CACNA2D2: variants seen among roughly 807,000 people sequenced by gnomAD.
The protein encoded by CACNA2D2 is calcium voltage-gated channel auxiliary subunit alpha2delta 2, also known as voltage-dependent calcium channel subunit alpha-2/delta-2.
A neutral mutation model predicts 166.4 loss-of-function variants in CACNA2D2; 48 were observed. That is an observed-to-expected ratio of 0.29 (90% CI 0.23 to 0.37). The LOEUF (loss-of-function observed/expected upper bound fraction) is 0.37, where lower values mean the gene tolerates loss of function less well. Among genes scored for constraint, CACNA2D2 ranks in the 10% least tolerant of loss-of-function variants. The probability of loss-of-function intolerance (pLI) is 1.00; values close to 1 mark genes in which losing one functional copy is unlikely to be tolerated. For synonymous variants in CACNA2D2, 561 were observed against 573.7 expected (o/e 0.98, Z 0.32); for missense variants, 1,122 against 1,433.0 (o/e 0.78, Z 3.50).
chr3:50,452,781 G>A (rs1050912758), intron 2 of CACNA2D2, among the ~76,000 whole-genome samples: 1 of 152,220 alleles, frequency 6.6e-6, no homozygotes, highest in African/African-American at 2.4e-5. Context: ...AAGATCCTCA[G>A]GGGGTTATAG....
At chr3:50,455,950 A>C (rs983211557) in intron 2 of CACNA2D2, among the ~76,000 whole-genome samples, 1 of 151,598 alleles carries the variant, frequency 6.6e-6, no homozygotes, top group Non-Finnish European at 1.5e-5. Flanking sequence ...CCAGCTATGC[A>C]TTGTCAACTT....
At chr3:50,438,002 C>T (rs1398061071) in intron 2 of CACNA2D2, among the ~76,000 whole-genome samples, 2 of 152,232 alleles carry the variant, frequency 1.3e-5, no homozygotes, top group Non-Finnish European at 2.9e-5. Flanking sequence ...CAGCTGATCC[C>T]AGGGTGCCCC....
intron 3 of CACNA2D2, among the ~76,000 whole-genome samples, chr3:50,418,533 C>A (rs1177601714): frequency 6.6e-6 from 1 of 152,230 alleles, no homozygotes; most frequent in East Asian, 1.9e-4. Flanking sequence ...TCTCCCTGAG[C>A]ACTCCCAGGG....
At chr3:50,456,898 C>T (rs1709380711) in intron 2 of CACNA2D2, among the ~76,000 whole-genome samples, 1 of 152,128 alleles carries the variant, frequency 6.6e-6, no homozygotes, top group Non-Finnish European at 1.5e-5. Context: ...CTTGTGGCTC[C>T]CCCAAGGACA....
At chr3:50,462,605 T>C (rs1177174980) in intron 2 of CACNA2D2, among the ~76,000 whole-genome samples, 1 of 151,806 alleles carries the variant, frequency 6.6e-6, no homozygotes, top group Non-Finnish European at 1.5e-5. Context: ...GGGCGAGGGA[T>C]GGGCTGGGGG....
intron 2 of CACNA2D2, among the ~76,000 whole-genome samples, chr3:50,450,230 G>C (rs1709033235): frequency 1.3e-5 from 2 of 152,142 alleles, no homozygotes; most frequent in African/African-American, 4.8e-5. Context: ...TTTGACAGCG[G>C]ATCGGCCTGG....
Position 50,367,220 on chromosome 3 carries a change from A to C in CACNA2D2, c.2402-111T>G. ...ATCCCGGGATGACTCCAGCCCAAGC[A>C]CCCAGCACTCAGGACAGTGTTTGGC... On this transcript the variant is annotated intron_variant, in intron 27 of 37. Coordinates refer to ENST00000424201, the MANE Select transcript of CACNA2D2 (RefSeq NM_006030.4). The surrounding 1 kb of genome is among the most constrained non-coding windows in gnomAD (Gnocchi z 6.5). 1.0e-6 allele frequency: 1 copy of C among 1,000,672 alleles called. No individual in the cohort carries two copies. The highest frequency in any genetic ancestry group is 1.5e-6 in the Non-Finnish European group (1 of 649,640). The allele number at this position is 1,000,672 out of a possible 1,614,324, so 62.0% of individuals were successfully genotyped here. A position where few individuals can be genotyped will look rare whatever the true frequency, so the allele number is the denominator to read the frequency against.
chr3:50,441,217 A>T (rs958213193), intron 2 of CACNA2D2, among the ~76,000 whole-genome samples: 7 of 152,100 alleles, frequency 4.6e-5, no homozygotes, highest in Non-Finnish European at 7.4e-5. Context: ...GGCAACTTCT[A>T]GGAGCTTTCA....
intron 3 of CACNA2D2, among the ~76,000 whole-genome samples, chr3:50,420,861 C>T (rs998954861): frequency 2.6e-5 from 4 of 152,160 alleles, no homozygotes; most frequent in Non-Finnish European, 5.9e-5. Context: ...CACACACATG[C>T]CCTCATGTGC....
intron 2 of CACNA2D2, among the ~76,000 whole-genome samples, chr3:50,437,836 G>C (rs1045632731): frequency 6.6e-6 from 1 of 152,188 alleles, no homozygotes; most frequent in African/African-American, 2.4e-5. Flanking sequence ...AGAAAGGCCA[G>C]GGTGCACCGG....
intron 6 of CACNA2D2, 58 bp from the exon 7 acceptor site, chr3:50,381,184 A>G (rs1705295224): frequency 2.2e-5 from 35 of 1,585,190 alleles, no homozygotes; most frequent in Non-Finnish European, 2.8e-5. Flanking sequence ...TGTCGAACCC[A>G]CCACCACGAC....
At chr3:50,405,995 C>A (rs538849573) in intron 3 of CACNA2D2, among the ~76,000 whole-genome samples, 2 of 151,844 alleles carry the variant, frequency 1.3e-5, no homozygotes, top group Admixed American at 6.6e-5. Flanking sequence ...CCAATCTCTA[C>A]CCCCTATCCA....
intron 2 of CACNA2D2, among the ~76,000 whole-genome samples, chr3:50,467,610 A>G (rs899635668): frequency 2.0e-5 from 3 of 152,090 alleles, no homozygotes; most frequent in African/African-American, 7.2e-5. Context: ...CTCCATCCAG[A>G]CTGCACACCC....
At chr3:50,484,590 ACCTC>A (rs1305844729) in intron 1 of CACNA2D2, among the ~76,000 whole-genome samples, 1 of 150,912 alleles carries the variant, frequency 6.6e-6, no homozygotes, top group Non-Finnish European at 1.5e-5. Flanking sequence ...AGGGCCTCCC[ACCTC>A]CCTCCGGTCT....
chr3:50,470,459 G>A (rs546637097), intron 2 of CACNA2D2, among the ~76,000 whole-genome samples: 104 of 152,312 alleles, frequency 6.8e-4, no homozygotes, highest in Non-Finnish European at 1.3e-3. Flanking sequence ...GAGGGCGTGT[G>A]GAAGGATATG....
intron 3 of CACNA2D2, among the ~76,000 whole-genome samples, chr3:50,399,357 C>A (rs1448057759): frequency 6.6e-6 from 1 of 152,190 alleles, no homozygotes; most frequent in South Asian, 2.1e-4. Context: ...ATGTTTACTC[C>A]CACTTCCCAG....
intron 1 of CACNA2D2, among the ~76,000 whole-genome samples, chr3:50,487,536 A>G (rs1698340197): frequency 1.3e-5 from 2 of 152,258 alleles, no homozygotes; most frequent in South Asian, 4.2e-4. Flanking sequence ...TGAGTGTTCA[A>G]CCTGCCTTGA....
At chr3:50,422,736 C>A (rs1273587154) in intron 3 of CACNA2D2, among the ~76,000 whole-genome samples, 1 of 152,244 alleles carries the variant, frequency 6.6e-6, no homozygotes, top group African/African-American at 2.4e-5. Flanking sequence ...GGCCACAAGG[C>A]TGATGGGTCA....
In CACNA2D2 at chr3:50,380,671, T is replaced by C; in HGVS notation, c.842+77A>G. On this transcript the variant is annotated intron_variant, in intron 8 of 37. Transcript: ENST00000424201. This position sits in a 1 kb window ranked among gnomAD's most constrained non-coding sequence, Gnocchi z 4.9. ...TGCGCCCTGCTAGGAGGCTTGGAAA[T>C]GGGGAGGGAGGGGAGCAGGCAGGAA... 1 of 1,196,404 alleles carries C rather than the reference T, an allele frequency of 8.4e-7. No homozygotes were observed. Among genetic ancestry groups the C allele is most frequent in the Non-Finnish European group, 1.1e-6 (1 of 874,672 alleles). The allele number at this position is 1,196,404 out of a possible 1,614,324, so 74.1% of individuals were successfully genotyped here.
Sources: gnomAD v4.1 joint callset for allele counts (sites outside exome capture counted in the v4.1 genomes callset) on GRCh38, gnomAD v4.1.1 for gene constraint, Gnocchi (gnomAD v3.1) non-coding constraint, MANE v1.5 for transcripts, NCBI Gene and HGNC (gene_info 2026-07-23, HGNC 2026-07-21) for gene names.